The following ZNF540 variants were observed in gnomAD, a reference collection of about 807,000 sequenced individuals.
The protein encoded by ZNF540 is CTD-3064H18.6.
ZNF540 carries 3 observed loss-of-function variants against 11.8 expected under a neutral mutation model. The ratio of observed to expected loss-of-function variants is 0.25; its 90% CI spans 0.12 to 0.65. ZNF540 has a LOEUF of 0.65. ZNF540 is among the 30% of genes least tolerant of loss of function. The probability of loss-of-function intolerance (pLI) is 0.83; values close to 1 mark genes in which losing one functional copy is unlikely to be tolerated. For missense variants in ZNF540, 709 were observed against 793.1 expected (o/e 0.89, Z 1.27); for synonymous variants, 247 against 259.0 (o/e 0.95, Z 0.45).
chr19:37,613,079 T>G lies in ZNF540; in HGVS notation c.1799T>G (p.Ile600Ser), dbSNP rs753931230. ...GTAGACCTTAGAATACATCAAAGAATTCATACTGGTGAGAAACCCTATGAG... is the reference window on the plus strand; with the variant it reads ...GTAGACCTTAGAATACATCAAAGAAGTCATACTGGTGAGAAACCCTATGAG... ...RSVDLRIHQR[I>S]HTGEKPYECK... Residue 600 changes from isoleucine to serine, a missense_variant, in exon 5 of 5, where the codon ATT (isoleucine) becomes AGT (serine). Coordinates refer to ENST00000316433, the MANE Select transcript of ZNF540 (RefSeq NM_001172225.3). 6.2e-7 allele frequency: 1 copy of G among 1,614,014 alleles called. No homozygotes were observed. Among genetic ancestry groups the G allele is most frequent in the Non-Finnish European group, 8.5e-7 (1 of 1,179,960 alleles).
At chr19:37,609,854 T>TAAAG (rs1340369573) in intron 4 of ZNF540, among the ~76,000 whole-genome samples, 1 of 144,862 alleles carries the variant, frequency 6.9e-6, no homozygotes, top group Non-Finnish European at 1.5e-5. Context: ...TCTCAAAAAA[T>TAAAG]AAAGAAAGAA....
At chr19:37,572,021 GTACATTAGTCCTA>G (rs1255686857) in intron 1 of ZNF540, among the ~76,000 whole-genome samples, 12 of 9,950 alleles carry the variant, frequency 1.2e-3, no homozygotes, top group South Asian at 0.01. Context: ...GCCATAATTA[GTACATTAGTCCTA>G]TCTATCAATC....
chr19:37,554,619 T>C (rs2042640615), intron 1 of ZNF540, among the ~76,000 whole-genome samples: 1 of 152,214 alleles, frequency 6.6e-6, no homozygotes, highest in African/African-American at 2.4e-5. Flanking sequence ...TCCAAAAAAT[T>C]TGGAGTATTT....
intron 1 of ZNF540, among the ~76,000 whole-genome samples, chr19:37,581,894 A>G (rs992771954): frequency 5.9e-5 from 9 of 151,552 alleles, no homozygotes; most frequent in Admixed American, 6.5e-5. Context: ...CTCAAGAGGT[A>G]TGCATGCTTC....
intron 4 of ZNF540, among the ~76,000 whole-genome samples, chr19:37,605,947 A>G (rs2147231131): frequency 6.6e-6 from 1 of 152,372 alleles, no homozygotes; most frequent in Non-Finnish European, 1.5e-5. Flanking sequence ...TACATAACAT[A>G]AAATTTACTC....
upstream of ZNF540, among the ~76,000 whole-genome samples, chr19:37,590,152 A>G (rs2043824376): frequency 6.6e-6 from 1 of 152,036 alleles, no homozygotes; most frequent in African/African-American, 2.4e-5. Context: ...CATGCCTGTA[A>G]TCCCAGCACT....
chr19:37,578,646 C>T (rs927854407), intron 1 of ZNF540, among the ~76,000 whole-genome samples: 7 of 152,158 alleles, frequency 4.6e-5, no homozygotes, highest in Non-Finnish European at 1.0e-4. Context: ...CTTCACCCTG[C>T]CCCCGCCTGA....
chr19:37,609,935 G>A (rs994004529), intron 4 of ZNF540, among the ~76,000 whole-genome samples: 1 of 152,162 alleles, frequency 6.6e-6, no homozygotes, highest in Non-Finnish European at 1.5e-5. Flanking sequence ...GTAAAACTCA[G>A]CTGTGTAAAC....
At chr19:37,571,854 C>T (rs1277520668) in intron 1 of ZNF540, among the ~76,000 whole-genome samples, 1 of 152,222 alleles carries the variant, frequency 6.6e-6, no homozygotes, top group Non-Finnish European at 1.5e-5. Flanking sequence ...CAGATTGCAT[C>T]TAACCTTTAA....
upstream of ZNF540, among the ~76,000 whole-genome samples, chr19:37,590,217 T>C (rs971121868): frequency 2.6e-5 from 4 of 151,572 alleles, no homozygotes; most frequent in Non-Finnish European, 5.9e-5. Context: ...CCATCCTGGC[T>C]AACACAGTGA....
rs1202155627 is a variant in ZNF540, at chr19:37,569,601, G to A, written c.-73+17936G>A. Among the ~76,000 whole-genome samples the A allele has an allele frequency of 2.0e-5, 3 of 152,032 alleles. No homozygotes were observed. The highest frequency in any genetic ancestry group is 2.0e-4 in the Admixed American group (3 of 15,250). ...TGTTTTATTAAAAACAACAAGTGCT[G>A]CTTATAACCTACTAGGTTGTATTCA... On this transcript the variant is annotated intron_variant, in intron 1 of 4. Coordinates refer to the ZNF540 transcript ENST00000592533. The surrounding 1 kb of genome is among the most constrained non-coding windows in gnomAD (Gnocchi z 4.4).
Position 37,611,623 on chromosome 19 carries a change from G to T in ZNF540, c.343G>T (p.Gly115Ter). The T allele has an allele frequency of 6.2e-7, 1 of 1,613,966 alleles. No homozygotes were observed. Among genetic ancestry groups the T allele is most frequent in the Non-Finnish European group, 8.5e-7 (1 of 1,179,942 alleles). Reference protein sequence around the residue: ...IEKSKTLRLKGSIFRNEWQNK... With the variant: ...IEKSKTLRLK ...AAAAAGTAAAACTCTTCGTCTGAAA[G>T]GATCCATTTTTAGAAATGAGTGGCA... Residue 115 changes from glycine (G) to a stop codon, truncating the protein, a stop_gained, in exon 5 of 5, where the codon GGA (glycine) becomes TGA (stop). Transcript: ENST00000316433. LOFTEE classifies it low-confidence loss of function (END_TRUNC).
At chr19:37,594,861 C>G (rs1393819523), upstream of ZNF540, 4 of 152,224 alleles carry the variant, frequency 2.6e-5, no homozygotes, top group Non-Finnish European at 5.9e-5. Context: ...CGGATCGTGT[C>G]TGCGCAGGCC....
chr19:37,589,338 TAC>T (rs1409087496), intron 1 of ZNF540, among the ~76,000 whole-genome samples: 2 of 151,028 alleles, frequency 1.3e-5, no homozygotes, highest in African/African-American at 4.9e-5. Flanking sequence ...CCTAAAAGAA[TAC>T]ACAGACAAAT....
chr19:37,597,511 T>TC, intron 1 of ZNF540: 1 of 152,304 alleles, frequency 6.6e-6, no homozygotes, highest in Non-Finnish European at 1.5e-5. Context: ...CACCGCAGCC[T>TC]CCCCCTCCCA....
At chr19:37,552,777 A>G (rs1465005533) in intron 1 of ZNF540, among the ~76,000 whole-genome samples, 2 of 152,042 alleles carry the variant, frequency 1.3e-5, no homozygotes, top group African/African-American at 4.8e-5. Flanking sequence ...GTGAAACCCC[A>G]TCTCTACCAA....
At chr19:37,554,080 A>C (rs1486768780) in intron 1 of ZNF540, among the ~76,000 whole-genome samples, 1 of 152,184 alleles carries the variant, frequency 6.6e-6, no homozygotes, top group Non-Finnish European at 1.5e-5. Context: ...TTTGGTGTAC[A>C]AATGATTTTG....
chr19:37,600,981 AT>A, intron 3 of ZNF540, 28 bp from the exon 4 acceptor site: 1 of 1,516,712 alleles, frequency 6.6e-7, no homozygotes. Context: ...TTATTTCTAT[AT>A]ATTCTTTTAT....
chr19:37,583,811 G>T, intron 1 of ZNF540: 2 of 652,280 alleles, frequency 3.1e-6, no homozygotes, highest in Non-Finnish European at 5.2e-6. Flanking sequence ...AGATGTGACA[G>T]TCTAAAGGAT....
Sources: gnomAD v4.1 joint callset for allele counts (sites outside exome capture counted in the v4.1 genomes callset) on GRCh38, gnomAD v4.1.1 for gene constraint, Gnocchi (gnomAD v3.1) non-coding constraint, MANE v1.5 for transcripts, NCBI Gene and HGNC (gene_info 2026-07-23, HGNC 2026-07-21) for gene names.